The following SPAG16 variants were observed in gnomAD, a reference collection of about 807,000 sequenced individuals.
SPAG16 encodes sperm-associated antigen 16 protein.
Under a neutral mutation model 80.4 loss-of-function variants are expected in SPAG16, and 86 were observed. The observed-to-expected ratio is 1.07, with a 90% confidence interval of 0.90 to 1.28. SPAG16 has a LOEUF of 1.28. Among genes scored for constraint, SPAG16 ranks in the 50% most tolerant of loss-of-function variants. SPAG16 has a pLI of 0.00. For synonymous variants in SPAG16, 294 were observed against 265.9 expected, an observed-to-expected ratio of 1.11 and a Z score of -1.03; for missense variants, 870 against 765.3, an observed-to-expected ratio of 1.14 and a Z score of -1.61.
intron 15 of SPAG16, among the ~76,000 whole-genome samples, chr2:214,187,781 C>T (rs2057527498): frequency 6.6e-6 from 1 of 151,396 alleles, no homozygotes; most frequent in Admixed American, 6.6e-5. Flanking sequence ...TATCGCTTAA[C>T]CTTTTTTTTT....
At chr2:214,014,760 T>TAG (rs2047499579) in intron 13 of SPAG16, among the ~76,000 whole-genome samples, 1 of 152,190 alleles carries the variant, frequency 6.6e-6, no homozygotes, top group African/African-American at 2.4e-5. Context: ...ATTAAAGTCT[T>TAG]AAACTATTTC....
chr2:213,474,226 T>C (rs2073252352), intron 9 of SPAG16, among the ~76,000 whole-genome samples: 1 of 152,234 alleles, frequency 6.6e-6, no homozygotes, highest in Admixed American at 6.5e-5. Context: ...CTCACTTTAA[T>C]GGTAGACACC....
intron 10 of SPAG16, among the ~76,000 whole-genome samples, chr2:213,854,625 T>A (rs968218277): frequency 2.0e-5 from 3 of 152,204 alleles, no homozygotes; most frequent in Non-Finnish European, 4.4e-5. Flanking sequence ...TGTACAAGTA[T>A]TAACTTTAAA....
chr2:213,650,236 T>C (rs903715991), intron 10 of SPAG16, among the ~76,000 whole-genome samples: 1 of 152,138 alleles, frequency 6.6e-6, no homozygotes, highest in Non-Finnish European at 1.5e-5. Flanking sequence ...AGTGGACACA[T>C]TATAGTCACT....
At chr2:214,296,285 A>G (rs1694126624) in intron 15 of SPAG16, among the ~76,000 whole-genome samples, 1 of 152,176 alleles carries the variant, frequency 6.6e-6, no homozygotes, top group African/African-American at 2.4e-5. Flanking sequence ...GTTTAATCCT[A>G]TCATCCATTG....
At chr2:214,029,037 T>C (rs2048277727) in intron 13 of SPAG16, among the ~76,000 whole-genome samples, 1 of 151,856 alleles carries the variant, frequency 6.6e-6, no homozygotes, top group Non-Finnish European at 1.5e-5. Context: ...AGATGACACA[T>C]GTTGTGGAGA....
chr2:213,459,957 C>T (rs1157990167), intron 9 of SPAG16, among the ~76,000 whole-genome samples: 1 of 151,910 alleles, frequency 6.6e-6, no homozygotes, highest in Non-Finnish European at 1.5e-5. Flanking sequence ...TTTACCCCCA[C>T]TGAATAATTT....
chr2:214,052,530 C>T (rs1004575860), intron 13 of SPAG16, among the ~76,000 whole-genome samples: 2 of 152,188 alleles, frequency 1.3e-5, no homozygotes, highest in African/African-American at 4.8e-5. Context: ...TGCAGTGTTG[C>T]AGCTAAATTA....
intron 12 of SPAG16, among the ~76,000 whole-genome samples, chr2:213,985,671 A>G (rs2045964341): frequency 6.6e-6 from 1 of 152,076 alleles, no homozygotes; most frequent in African/African-American, 2.4e-5. Context: ...TTCTGGCTGA[A>G]TGCAAACTGG....
At chr2:214,072,044 T>G (rs1389357910) in intron 13 of SPAG16, among the ~76,000 whole-genome samples, 1 of 152,118 alleles carries the variant, frequency 6.6e-6, no homozygotes, top group Non-Finnish European at 1.5e-5. Flanking sequence ...AGTCACAAAT[T>G]GAACTTTTTT....
At chr2:214,398,597 G>A (rs906619580) in intron 15 of SPAG16, among the ~76,000 whole-genome samples, 1 of 152,160 alleles carries the variant, frequency 6.6e-6, no homozygotes, top group Non-Finnish European at 1.5e-5. Flanking sequence ...GCTGAATAAA[G>A]AACAAACTAA....
At chr2:213,459,549 G>A (rs2072238988) in intron 9 of SPAG16, among the ~76,000 whole-genome samples, 1 of 152,130 alleles carries the variant, frequency 6.6e-6, no homozygotes, top group Non-Finnish European at 1.5e-5. Flanking sequence ...CTTGTATGTA[G>A]CCCTCAGAGT....
At chr2:214,308,490 G>T (rs1695078016) in intron 15 of SPAG16, among the ~76,000 whole-genome samples, 1 of 152,046 alleles carries the variant, frequency 6.6e-6, no homozygotes, top group African/African-American at 2.4e-5. Flanking sequence ...TCACTGGTCT[G>T]TGTACTTAAG....
intron 10 of SPAG16, among the ~76,000 whole-genome samples, chr2:213,790,880 C>G (rs1211674929): frequency 6.6e-6 from 1 of 151,990 alleles, no homozygotes; most frequent in Non-Finnish European, 1.5e-5. Flanking sequence ...CTGTTCTGAC[C>G]TTTGTTGTCT....
Position 213,930,030 on chromosome 2 carries a change from A to G in SPAG16, c.1285A>G (p.Ile429Val), listed in dbSNP as rs750419910. The change falls in exon 12 of 16, where the codon ATT (isoleucine) becomes GTT (valine). Residue 429 changes from isoleucine (I) to valine (V), a missense_variant. Ile to Val is a conservative substitution (Grantham distance 29, BLOSUM62 3). Transcript: ENST00000331683. ...ATGGGATCTATGTAAAGGCGATTGC[A>G]TTTTGACCTTTGAAGGACACAGCCG... is the stretch of plus-strand genomic sequence containing the variant. ...KLWDLCKGDCILTFEGHSRAV... is the reference protein window; with the variant it reads ...KLWDLCKGDCVLTFEGHSRAV... 5.6e-6 allele frequency: 9 copies of G among 1,614,026 alleles called. No homozygotes were observed. The highest frequency in any genetic ancestry group is 1.3e-5 in the African/African-American group (1 of 74,930).
chr2:213,345,832 T>A (rs2064948144), intron 6 of SPAG16, among the ~76,000 whole-genome samples: 1 of 152,212 alleles, frequency 6.6e-6, no homozygotes, highest in South Asian at 2.1e-4. Context: ...CCAGCTTTGT[T>A]CTTTTTGCTT....
At chr2:214,325,478 C>T (rs1337056273) in intron 15 of SPAG16, among the ~76,000 whole-genome samples, 1 of 152,024 alleles carries the variant, frequency 6.6e-6, no homozygotes, top group African/African-American at 2.4e-5. Flanking sequence ...TAATGAGAAG[C>T]CTTAAAAACC....
intron 11 of SPAG16, among the ~76,000 whole-genome samples, chr2:213,923,057 A>C (rs2078297189): frequency 1.3e-5 from 2 of 151,958 alleles, no homozygotes; most frequent in African/African-American, 2.4e-5. Context: ...GGGTGAGTGG[A>C]GTTGCCTACC....
intron 9 of SPAG16, among the ~76,000 whole-genome samples, chr2:213,397,742 C>T (rs981006393): frequency 6.6e-5 from 10 of 152,096 alleles, no homozygotes; most frequent in African/African-American, 2.4e-4. Context: ...CCCTACCCCC[C>T]GAATCTCTGC....
Sources: allele counts gnomAD v4.1 joint callset (sites outside exome capture counted in the v4.1 genomes callset), GRCh38; gene constraint gnomAD v4.1.1; transcripts MANE v1.5; gene names NCBI Gene and HGNC (gene_info 2026-07-23, HGNC 2026-07-21).